Variants in IGSF5 observed in about 807,000 individuals in gnomAD.
IGSF5 encodes the protein immunoglobulin superfamily 5 like.
A neutral mutation model predicts 39.4 loss-of-function variants in IGSF5; 41 were observed. The ratio of observed to expected loss-of-function variants is 1.04; its 90% CI spans 0.81 to 1.35. The LOEUF is 1.35. IGSF5 is among the 40% of genes most tolerant of loss of function. IGSF5 has a pLI of 0.00. For synonymous variants in IGSF5, 183 were observed against 175.3 expected (o/e 1.04, Z -0.34); for missense variants, 487 against 494.6 (o/e 0.98, Z 0.15).
intron 5 of IGSF5, among the ~76,000 whole-genome samples, chr21:39,786,354 A>G (rs1369672983): frequency 6.7e-6 from 1 of 149,756 alleles, no homozygotes; most frequent in African/African-American, 2.4e-5. Flanking sequence ...AACACATGAA[A>G]AAATGCTCAC....
chr21:39,771,211 C>T lies in IGSF5; in HGVS notation c.714C>T (p.Pro238=). ...TAAATCTCACTGTGATTCGGTGTCC[C>T]CAAGGTAAGTGAAGACATTCTGCTT... ...ATVNLTVIRC[P]QDTGGGINIP... The change falls in exon 4 of 9, where the codon CCC becomes CCT. Residue 238 remains proline, a synonymous_variant. Coordinates refer to ENST00000380588, the MANE Select transcript of IGSF5 (RefSeq NM_001080444.2). 12 of 1,556,430 alleles carry T rather than the reference C, an allele frequency of 7.7e-6. No individual in the cohort carries two copies. Among genetic ancestry groups the T allele is most frequent in the Non-Finnish European group, 1.0e-5 (12 of 1,147,366 alleles).
At chr21:39,737,740 G>A in the IGSF5 span, among the ~76,000 whole-genome samples, 36 of 152,344 alleles carry the variant, frequency 2.4e-4, no homozygotes, top group East Asian at 7.0e-3. Context: ...TATCGTTGCA[G>A]CGTGGACAGG....
the IGSF5 span, among the ~76,000 whole-genome samples, chr21:39,731,705 T>G: frequency 6.6e-6 from 1 of 152,032 alleles, no homozygotes; most frequent in African/African-American, 2.4e-5. Context: ...CTGAATGAGC[T>G]TGGAAGTGGA....
chr21:39,722,545 A>G, the IGSF5 span: 1 of 152,128 alleles, frequency 6.6e-6, no homozygotes, highest in East Asian at 1.9e-4. Flanking sequence ...TCACCCACCA[A>G]TGCTATGTGA....
At chr21:39,749,121 G>T (rs545779550) in intron 2 of IGSF5, among the ~76,000 whole-genome samples, 1 of 152,040 alleles carries the variant, frequency 6.6e-6, no homozygotes, top group Non-Finnish European at 1.5e-5. Flanking sequence ...AGAGTTAAAA[G>T]GCTTATATAT....
At chr21:39,720,046 T>C in the IGSF5 span, among the ~76,000 whole-genome samples, 1 of 152,230 alleles carries the variant, frequency 6.6e-6, no homozygotes, top group African/African-American at 2.4e-5. Context: ...GAATATAGTA[T>C]AGATCAGCAG....
At position 39,765,846 on chromosome 21, in the gene IGSF5, G is replaced by A. The variant is rs752461155; in HGVS notation, c.412G>A (p.Val138Ile). The A allele has an allele frequency of 5.3e-5, 85 of 1,610,382 alleles. No individual in the cohort carries two copies. The highest frequency in any genetic ancestry group is 1.6e-4 in the Middle Eastern group (1 of 6,076). Residue 138 changes from valine (V) to isoleucine (I), a missense_variant, in exon 3 of 9, where the codon GTC becomes ATC. By Grantham distance (29) the Val-to-Ile change is conservative. Transcript: ENST00000380588. Reference sequence around the variant, plus strand: ...CCTGCATGGATCTGCTTACCTTACCGTCCAAGGTGTGTATGCAGGTGGCTT... The same window carrying A: ...CCTGCATGGATCTGCTTACCTTACCATCCAAGGTGTGTATGCAGGTGGCTT... The part of the protein sequence containing the change: ...SRLHGSAYLT[V>I]QVMGELFIPS...
chr21:39,725,723 T>C, the IGSF5 span: 3 of 152,194 alleles, frequency 2.0e-5, no homozygotes, highest in African/African-American at 7.2e-5. Context: ...GATTTTATTT[T>C]AATGTGGATC....
At chr21:39,763,422 C>A (rs2080070475) in intron 2 of IGSF5, among the ~76,000 whole-genome samples, 1 of 152,154 alleles carries the variant, frequency 6.6e-6, no homozygotes, top group African/African-American at 2.4e-5. Context: ...CAAGAAGTTT[C>A]CATTTGGTGT....
intron 2 of IGSF5, among the ~76,000 whole-genome samples, chr21:39,750,197 T>G (rs1393996034): frequency 1.3e-5 from 2 of 152,242 alleles, no homozygotes; most frequent in African/African-American, 4.8e-5. Context: ...CACCTTCAAC[T>G]GGAAGGAAGA....
the IGSF5 span, among the ~76,000 whole-genome samples, chr21:39,735,306 G>T: frequency 6.6e-6 from 1 of 152,004 alleles, no homozygotes. Flanking sequence ...TAATGACTGT[G>T]TATCACTTTT....
intron 2 of IGSF5, among the ~76,000 whole-genome samples, chr21:39,749,198 T>C (rs1365260454): frequency 6.9e-6 from 1 of 145,644 alleles, no homozygotes; most frequent in Admixed American, 7.3e-5. Flanking sequence ...AGGTTTCTTT[T>C]GGAAAGACAA....
chr21:39,723,853 A>G, the IGSF5 span, among the ~76,000 whole-genome samples: 1 of 152,158 alleles, frequency 6.6e-6, no homozygotes, highest in African/African-American at 2.4e-5. Flanking sequence ...GCTTGGATCT[A>G]AAAAACCTTT....
At chr21:39,720,793 AG>A in the IGSF5 span, among the ~76,000 whole-genome samples, 1 of 152,244 alleles carries the variant, frequency 6.6e-6, no homozygotes, top group South Asian at 2.1e-4. Context: ...TACTAAGGTA[AG>A]ATGTTAATAA....
At chr21:39,765,450 C>A in intron 2 of IGSF5, 85 bp from the exon 3 acceptor site, 1 of 1,280,268 alleles carries the variant, frequency 7.8e-7, no homozygotes, top group African/African-American at 1.5e-5. Context: ...GGGGTTACCA[C>A]TGGTAAATAC....
the IGSF5 span, among the ~76,000 whole-genome samples, chr21:39,735,497 AT>A: frequency 6.6e-6 from 1 of 152,188 alleles, no homozygotes; most frequent in Non-Finnish European, 1.5e-5. Context: ...TTTTAAAAAT[AT>A]TTTCTAAATA....
intron 5 of IGSF5, among the ~76,000 whole-genome samples, chr21:39,786,092 C>A (rs1208464613): frequency 1.4e-4 from 21 of 151,364 alleles, no homozygotes; most frequent in Non-Finnish European, 1.8e-4. Flanking sequence ...GCAACAAAAG[C>A]CAAAATTGAC....
chr21:39,724,067 A>AAAAATAAAATAAAAT, the IGSF5 span, among the ~76,000 whole-genome samples: 10 of 136,976 alleles, frequency 7.3e-5, no homozygotes, highest in South Asian at 2.5e-4. Context: ...CCCTGTCTCA[A>AAAAATAAAATAAAAT]AAAATAAAAT....
At chr21:39,728,330 T>C in the IGSF5 span, among the ~76,000 whole-genome samples, 3 of 152,104 alleles carry the variant, frequency 2.0e-5, no homozygotes, top group Admixed American at 2.0e-4. Flanking sequence ...TGTGAAGATA[T>C]GTTGGGAAAA....
Sources: gnomAD v4.1 joint callset for allele counts (sites outside exome capture counted in the v4.1 genomes callset) on GRCh38, gnomAD v4.1.1 for gene constraint, MANE v1.5 for transcripts, NCBI Gene and HGNC (gene_info 2026-07-23, HGNC 2026-07-21) for gene names.